Variants in ANK3 observed in about 807,000 individuals in gnomAD.
The protein encoded by ANK3 is ankyrin-3.
Under a neutral mutation model 370.9 loss-of-function variants are expected in ANK3, and 57 were observed. The observed-to-expected ratio is 0.15, with a 90% CI of 0.12 to 0.19. The LOEUF (loss-of-function observed/expected upper bound fraction) is 0.19. Ranked by LOEUF, ANK3 falls within the 10% of genes least tolerant of loss-of-function variation. The pLI is 1.00. For synonymous variants in ANK3, 1,929 were observed against 1,946.3 expected (o/e 0.99, Z 0.23); for missense variants, 4,439 against 5,302.1 (o/e 0.84, Z 5.06).
intron 2 of ANK3, among the ~76,000 whole-genome samples, chr10:60,476,348 T>C (rs1433425667): frequency 1.3e-5 from 2 of 152,172 alleles, no homozygotes; most frequent in Non-Finnish European, 2.9e-5. Context: ...GTAAATTGTA[T>C]AGAGGATAAA....
At chr10:60,099,524 G>A (rs181470478) in intron 28 of ANK3, among the ~76,000 whole-genome samples, 54 of 152,300 alleles carry the variant, frequency 3.5e-4, no homozygotes, top group Non-Finnish European at 4.0e-4. Context: ...AGTAGGGGAC[G>A]TCTGGCCACA....
chr10:60,337,908 G>A (rs1472158264), intron 1 of ANK3, among the ~76,000 whole-genome samples: 5 of 152,172 alleles, frequency 3.3e-5, no homozygotes, highest in Non-Finnish European at 5.9e-5. Context: ...AAGAAGCATT[G>A]AATTTATCCC....
intron 1 of ANK3, among the ~76,000 whole-genome samples, chr10:60,685,606 C>T (rs1187796909): frequency 6.6e-6 from 1 of 152,158 alleles, no homozygotes; most frequent in African/African-American, 2.4e-5. Context: ...GGCAAATCTT[C>T]AGCTAATCTA....
intron 2 of ANK3, among the ~76,000 whole-genome samples, chr10:60,583,934 GA>G: frequency 6.6e-6 from 1 of 152,184 alleles, no homozygotes; most frequent in Middle Eastern, 3.4e-3. Flanking sequence ...TGTTTATGGT[GA>G]TGATATGTTA....
At chr10:60,285,946 C>T (rs1435105368) in intron 1 of ANK3, among the ~76,000 whole-genome samples, 1 of 152,158 alleles carries the variant, frequency 6.6e-6, no homozygotes, top group African/African-American at 2.4e-5. Flanking sequence ...CTCCCTCAAA[C>T]CCCCTTCCAG....
chr10:60,455,722 A>T (rs1295666661), intron 2 of ANK3, among the ~76,000 whole-genome samples: 2 of 152,144 alleles, frequency 1.3e-5, no homozygotes, highest in East Asian at 3.8e-4. Context: ...AGGCACCGTG[A>T]TCCCATTCAT....
intron 28 of ANK3, among the ~76,000 whole-genome samples, chr10:60,093,813 T>C (rs1342606467): frequency 1.3e-5 from 2 of 152,178 alleles, no homozygotes; most frequent in African/African-American, 4.8e-5. Context: ...TTTCTAACTA[T>C]ATAAACAGAG....
chr10:60,162,550 T>C (rs751574380), intron 23 of ANK3, among the ~76,000 whole-genome samples: 27 of 152,326 alleles, frequency 1.8e-4, no homozygotes, highest in Non-Finnish European at 3.4e-4. Context: ...AACATGATTC[T>C]TCTTATCCCT....
At chr10:60,183,296 G>C (rs1012743064) in intron 17 of ANK3, among the ~76,000 whole-genome samples, 7 of 152,094 alleles carry the variant, frequency 4.6e-5, no homozygotes, top group Admixed American at 6.6e-5. Flanking sequence ...TGAGCTTGTT[G>C]AGGCAAGTAT....
intron 2 of ANK3, among the ~76,000 whole-genome samples, chr10:60,599,958 TA>T (rs1282200298): frequency 6.6e-6 from 1 of 152,188 alleles, no homozygotes; most frequent in African/African-American, 2.4e-5. Flanking sequence ...ACCATTTTAT[TA>T]AATAATTAGA....
intron 23 of ANK3, among the ~76,000 whole-genome samples, chr10:60,160,566 A>G (rs941162101): frequency 6.6e-6 from 1 of 152,108 alleles, no homozygotes; most frequent in African/African-American, 2.4e-5. Flanking sequence ...CAGTGTTACC[A>G]TGATACCAAA....
intron 5 of ANK3, among the ~76,000 whole-genome samples, chr10:60,269,674 G>C (rs1034949633): frequency 1.6e-5 from 2 of 123,790 alleles, no homozygotes; most frequent in African/African-American, 6.5e-5. Context: ...AAGTACCATA[G>C]TTTTATTTAT....
At chr10:60,076,578 T>C (rs2083877591) in intron 36 of ANK3, 130 bp from the exon 37 acceptor site, 17 of 1,220,914 alleles carry the variant, frequency 1.4e-5, no homozygotes, top group Non-Finnish European at 1.7e-5. Flanking sequence ...ATTGTTTGCA[T>C]GATTTAGAAT....
At chr10:60,421,013 C>T (rs576300204) in intron 2 of ANK3, among the ~76,000 whole-genome samples, 1 of 152,028 alleles carries the variant, frequency 6.6e-6, no homozygotes, top group Admixed American at 6.6e-5. Flanking sequence ...AATACTATTC[C>T]ACCTTAAAAA....
chr10:60,296,208 ACAG>A (rs1287460469), intron 1 of ANK3, among the ~76,000 whole-genome samples: 1 of 152,238 alleles, frequency 6.6e-6, no homozygotes, highest in Non-Finnish European at 1.5e-5. Flanking sequence ...CTATGTCCAC[ACAG>A]TCGAAATACT....
chr10:60,085,335 C>G (rs60890208), intron 30 of ANK3, 82 bp from the exon 31 acceptor site: 1 of 1,074,794 alleles, frequency 9.3e-7, no homozygotes, highest in Non-Finnish European at 1.4e-6. Context: ...GTTCTTCTTT[C>G]TGCATAGCCA....
intron 1 of ANK3, among the ~76,000 whole-genome samples, chr10:60,334,444 A>G (rs991405): frequency 0.75 from 113,910 of 151,966 alleles, 42,913 homozygotes; most frequent in South Asian, 0.92. Context: ...GCATCACTGT[A>G]CTTTATTACA....
chr10:60,725,094 T>C (rs1385498375), intron 1 of ANK3, among the ~76,000 whole-genome samples: 1 of 152,254 alleles, frequency 6.6e-6, no homozygotes, highest in Non-Finnish European at 1.5e-5. Flanking sequence ...GTAAGTACTC[T>C]TACAAAATGT....
At chr10:60,250,946 A>C (rs2097653863) in intron 7 of ANK3, among the ~76,000 whole-genome samples, 1 of 152,186 alleles carries the variant, frequency 6.6e-6, no homozygotes, top group Non-Finnish European at 1.5e-5. Flanking sequence ...CAAAGCCCAA[A>C]CACACATTGC....
Sources: gnomAD v4.1 joint callset for allele counts (sites outside exome capture counted in the v4.1 genomes callset) on GRCh38, gnomAD v4.1.1 for gene constraint, MANE v1.5 for transcripts, NCBI Gene and HGNC (gene_info 2026-07-23, HGNC 2026-07-21) for gene names.